PLB1: variants seen among roughly 807,000 people sequenced by gnomAD.
PLB1 encodes phospholipase B1.
In PLB1, 242 loss-of-function variants were observed where a neutral mutation model predicts 227.4. The observed-to-expected ratio is 1.06, with a 90% CI of 0.96 to 1.18. The LOEUF is 1.18. PLB1 is among the 50% of genes most tolerant of loss of function. The probability of loss-of-function intolerance (pLI) is 0.00; values close to 1 mark genes in which losing one functional copy is unlikely to be tolerated. For synonymous variants in PLB1, 757 were observed against 682.2 expected, an observed-to-expected ratio of 1.11 and a Z score of -1.71; for missense variants, 1,858 against 1,816.3, an observed-to-expected ratio of 1.02 and a Z score of -0.42.
intron 1 of PLB1, among the ~76,000 whole-genome samples, chr2:28,503,906 C>G (rs990680001): frequency 2.0e-5 from 3 of 152,204 alleles, no homozygotes; most frequent in Admixed American, 1.3e-4. Context: ...TGGCAAAAGT[C>G]ACACTGCAAA....
chr2:28,619,368 C>T (rs2148325017), intron 46 of PLB1, among the ~76,000 whole-genome samples: 1 of 152,294 alleles, frequency 6.6e-6, no homozygotes, highest in East Asian at 1.9e-4. Context: ...TGAGTCTGTT[C>T]ACCACTAATG....
Position 28,543,090 on chromosome 2 carries a change from G to A in PLB1, c.880-122G>A. ...CCCTGTTATTGATGAGGGGCTGAGA[G>A]AAAAGGCCTGGACAGATCAGGCTGC... On this transcript the variant is annotated intron_variant, in intron 13 of 57. Coordinates refer to ENST00000327757, the MANE Select transcript of PLB1 (RefSeq NM_153021.5). 4.0e-6 allele frequency: 4 copies of A among 1,008,128 alleles called. No individual in the cohort carries two copies. The Admixed American group carries it at 8.1e-5, about 20-fold the overall frequency. 62.4% of individuals were successfully genotyped at this position (1,008,128 alleles called of 1,614,324 possible). A position where few individuals can be genotyped will look rare whatever the true frequency, so the allele number is the denominator to read the frequency against.
rs138703796 is a variant in PLB1 at position 28,501,765 on chromosome 2, TTA to T, written c.55+5600_55+5601del. ...TTTGCATTTTGATTTTTTTACTTAA[TTA>T]TATGTCCTGAAAATTATACTACATC... On this transcript the variant is annotated intron_variant, in intron 1 of 57. Transcript: ENST00000327757. 9.8e-3 allele frequency among the ~76,000 whole-genome samples: 1,489 copies of T among 152,288 alleles called. 31 individuals carry two copies. Among genetic ancestry groups the T allele is most frequent in the African/African-American group, 0.034 (1,409 of 41,560 alleles).
chr2:28,573,903 G>A (rs1206009209), intron 21 of PLB1, among the ~76,000 whole-genome samples: 3 of 152,240 alleles, frequency 2.0e-5, no homozygotes, highest in Non-Finnish European at 2.9e-5. Context: ...ACACACGTTG[G>A]TCAAAATGGT....
In PLB1 at chr2:28,643,135, G is replaced by C. The variant is rs1041669179; in HGVS notation, c.*74G>C. The C allele has an allele frequency of 1.0e-5, 14 of 1,388,460 alleles. No individual in the cohort carries two copies. The highest frequency in any genetic ancestry group is 1.2e-5 in the Non-Finnish European group (12 of 1,037,218). The allele number at this position is 1,388,460 out of a possible 1,614,324, so 86.0% of individuals were successfully genotyped here. The stretch of plus-strand genomic sequence containing the variant: ...CCGCCCTCTGCCCCAGCCACTCCCG[G>C]CCACCAGGACATGCTTCAATGCCTG... On this transcript the variant is annotated 3_prime_UTR_variant, in exon 58 of 58. Coordinates refer to ENST00000327757, the MANE Select transcript of PLB1 (RefSeq NM_153021.5).
chr2:28,585,030 C>T (rs898849729), intron 25 of PLB1, among the ~76,000 whole-genome samples: 1 of 152,236 alleles, frequency 6.6e-6, no homozygotes, highest in South Asian at 2.1e-4. Context: ...CAGGTTAATA[C>T]CCATAAAGTT....
Position 28,620,258 on chromosome 2 carries a change from T to C in PLB1, c.3316-7T>C. 6.3e-7 allele frequency: 1 copy of C among 1,588,926 alleles called. No individual in the cohort carries two copies. Among genetic ancestry groups the C allele is most frequent in the Non-Finnish European group, 8.6e-7 (1 of 1,164,674 alleles). On this transcript the variant is annotated splice_region_variant and splice_polypyrimidine_tract_variant and intron_variant, in intron 46 of 57. Coordinates refer to ENST00000327757, the MANE Select transcript of PLB1 (RefSeq NM_153021.5). ...CCAGCCCTGAACTTTCTTTTTGCTT[T>C]TTACAGACAGCAGTGGGAGCTCGAC... is the stretch of plus-strand genomic sequence containing the variant.
At chr2:28,548,647 C>T in intron 14 of PLB1, 2 of 629,280 alleles carry the variant, frequency 3.2e-6, no homozygotes, top group Non-Finnish European at 6.0e-6. Context: ...CTCGGGTGTG[C>T]ATCAGAATCG....
chr2:28,589,299 A>G lies in PLB1; in HGVS notation c.1816-151A>G, dbSNP rs565880703. 30 of 632,254 alleles carry G rather than the reference A, an allele frequency of 4.7e-5. 1 individual carries two copies. The South Asian group carries it at 5.8e-4, about 12-fold the overall frequency. The allele number at this position is 632,254 out of a possible 1,614,324, so 39.2% of individuals were successfully genotyped here. A position where few individuals can be genotyped will look rare whatever the true frequency, so the allele number is the denominator to read the frequency against. ...GGCTGATCTAAAATGTAAATGATCTAAAATGTAAAATCTCAGTTGAGATTT... is the reference window on the plus strand; with the variant it reads ...GGCTGATCTAAAATGTAAATGATCTGAAATGTAAAATCTCAGTTGAGATTT... On this transcript the variant is annotated intron_variant, in intron 26 of 57. Transcript: ENST00000327757.
At chr2:28,505,993 T>C (rs931666336) in intron 1 of PLB1, among the ~76,000 whole-genome samples, 2 of 152,220 alleles carry the variant, frequency 1.3e-5, no homozygotes, top group Non-Finnish European at 2.9e-5. Flanking sequence ...GGGTTTTCTC[T>C]AGAGGCTCAG....
intron 52 of PLB1, 130 bp from the exon 53 acceptor site, chr2:28,628,964 C>T (rs1235963894): frequency 1.5e-5 from 11 of 714,736 alleles, no homozygotes; most frequent in Admixed American, 1.1e-4. Flanking sequence ...CTACAAGTTG[C>T]ATCCCCTCTC....
intron 14 of PLB1, among the ~76,000 whole-genome samples, chr2:28,546,530 G>T (rs189120378): frequency 6.6e-6 from 1 of 152,258 alleles, no homozygotes; most frequent in Admixed American, 6.5e-5. Context: ...GACCAGCCCC[G>T]GTTGTCCCTG....
rs931098703 is a variant in PLB1 at position 28,534,593 on chromosome 2, C to T, written c.555+2399C>T. On this transcript the variant is annotated intron_variant, in intron 9 of 57. Coordinates refer to ENST00000327757, the MANE Select transcript of PLB1 (RefSeq NM_153021.5). ...CTCAAGAGCTGGGCGCGGTGGCTCA[C>T]GCCTGTAATCCCAGCACTTTAGGAG... Among the ~76,000 whole-genome samples the T allele has an allele frequency of 5.9e-5, 9 of 152,188 alleles. No homozygotes were observed. In the East Asian group the frequency reaches 7.7e-4, roughly 13 times the overall value.
chr2:28,496,371 G>A (rs1173936447), intron 1 of PLB1, among the ~76,000 whole-genome samples: 1 of 152,184 alleles, frequency 6.6e-6, no homozygotes, highest in East Asian at 1.9e-4. Context: ...ATGTCCCAAA[G>A]GCTGCCGGGA....
intron 17 of PLB1, 117 bp downstream of exon 17, chr2:28,553,108 A>G: frequency 1.2e-6 from 1 of 817,772 alleles, no homozygotes; most frequent in Admixed American, 2.0e-5. Flanking sequence ...CAACAGAAAT[A>G]ACTCTGTATG....
chr2:28,636,031 G>GAATGTGTGTA (rs1288620608), intron 56 of PLB1, among the ~76,000 whole-genome samples: 1 of 124,976 alleles, frequency 8.0e-6, no homozygotes, highest in Non-Finnish European at 1.8e-5. Flanking sequence ...GTGTGTGTAT[G>GAATGTGTGTA]TGTGTGTGTG....
chr2:28,587,503 G>T (rs1681100387), intron 26 of PLB1, among the ~76,000 whole-genome samples: 1 of 152,210 alleles, frequency 6.6e-6, no homozygotes, highest in Non-Finnish European at 1.5e-5. Context: ...TCAGCTACTC[G>T]GGAGGCTGAG....
intron 31 of PLB1, among the ~76,000 whole-genome samples, 192 bp downstream of exon 31, chr2:28,591,952 A>G (rs1485983385): frequency 1.3e-5 from 2 of 152,174 alleles, no homozygotes; most frequent in African/African-American, 2.4e-5. Flanking sequence ...CATGCCCAGC[A>G]GGCACCAAGG....
In PLB1 at chr2:28,598,022, C is replaced by G; in HGVS notation, c.2339C>G (p.Ser780Cys). The stretch of plus-strand genomic sequence containing the variant: ...CCCTACAGTGCAGGAGGGGACGGCT[C>G]CCTGGAGAATGTGACCACCTTACCT... ...GLSYSAGGDG[S>C]LENVTTLPNI... Residue 780 changes from serine to cysteine, a missense_variant, in exon 34 of 58, where the codon TCC becomes TGC. Transcript: ENST00000327757. The G allele has an allele frequency of 2.5e-6, 4 of 1,613,380 alleles. No homozygotes were observed. Among genetic ancestry groups the G allele is most frequent in the Non-Finnish European group, 3.4e-6 (4 of 1,179,444 alleles).
Sources: gnomAD v4.1 joint callset for allele counts (sites outside exome capture counted in the v4.1 genomes callset) on GRCh38, gnomAD v4.1.1 for gene constraint, MANE v1.5 for transcripts, NCBI Gene and HGNC (gene_info 2026-07-23, HGNC 2026-07-21) for gene names.